The following INPP4B variants were observed in gnomAD, a reference collection of about 807,000 sequenced individuals.
INPP4B encodes the protein inositol polyphosphate-4-phosphatase type II B, also known as inositol polyphosphate 4-phosphatase type II.
Under a neutral mutation model 122.5 loss-of-function variants are expected in INPP4B, and 55 were observed. That is an observed-to-expected ratio of 0.45 (90% CI 0.36 to 0.56). INPP4B has a LOEUF of 0.56. Ranked by LOEUF, INPP4B falls within the 20% of genes least tolerant of loss-of-function variation. INPP4B has a pLI of 0.00. For missense variants in INPP4B, 1,000 were observed against 1,097.7 expected, an observed-to-expected ratio of 0.91 and a Z score of 1.26; for synonymous variants, 403 against 388.7, an observed-to-expected ratio of 1.04 and a Z score of -0.43.
At chr4:142,321,217 T>G (rs1769868548) in intron 7 of INPP4B, among the ~76,000 whole-genome samples, 1 of 152,214 alleles carries the variant, frequency 6.6e-6, no homozygotes, top group Non-Finnish European at 1.5e-5. Flanking sequence ...TCCTGATAAT[T>G]AGTGATGTTG....
At chr4:142,499,375 C>A (rs1027291474) in intron 2 of INPP4B, among the ~76,000 whole-genome samples, 12 of 152,030 alleles carry the variant, frequency 7.9e-5, no homozygotes, top group Non-Finnish European at 1.3e-4. Flanking sequence ...GTTAGCATAT[C>A]CCATTTGATT....
At chr4:142,682,386 G>GTT (rs1758751838) in intron 2 of INPP4B, among the ~76,000 whole-genome samples, 1 of 151,628 alleles carries the variant, frequency 6.6e-6, no homozygotes, top group Non-Finnish European at 1.5e-5. Flanking sequence ...AATCTAAAGT[G>GTT]TTGTATCTTT....
At chr4:142,290,676 T>C (rs902083141) in intron 9 of INPP4B, among the ~76,000 whole-genome samples, 1 of 152,180 alleles carries the variant, frequency 6.6e-6, no homozygotes, top group African/African-American at 2.4e-5. Flanking sequence ...TCCCAACTGA[T>C]GTCTACATGG....
Position 142,725,820 on chromosome 4 carries a change from A to T in INPP4B, c.-191+19T>A. 1 of 397,922 alleles carries T rather than the reference A, an allele frequency of 2.5e-6. No homozygotes were observed. The highest frequency in any genetic ancestry group is 4.4e-6 in the Non-Finnish European group (1 of 225,620). The allele number at this position is 397,922 out of a possible 1,614,324, so 24.6% of individuals were successfully genotyped here. ...GAGTTATACAGAATGAAAAAATATC[A>T]ATTCAAAATAAGCATTACCTTTGTC... is the stretch of plus-strand genomic sequence containing the variant. On this transcript the variant is annotated intron_variant, in intron 2 of 25. Coordinates refer to ENST00000262992, the MANE Select transcript of INPP4B (RefSeq NM_001101669.3).
At chr4:142,088,273 T>C (rs890206776) in intron 23 of INPP4B, among the ~76,000 whole-genome samples, 1 of 152,214 alleles carries the variant, frequency 6.6e-6, no homozygotes, top group African/African-American at 2.4e-5. Context: ...GGTTGCTTTT[T>C]AATTTATAAT....
chr4:142,493,642 A>C (rs1314058168), intron 2 of INPP4B, among the ~76,000 whole-genome samples: 1 of 152,158 alleles, frequency 6.6e-6, no homozygotes, highest in Non-Finnish European at 1.5e-5. Context: ...CTCCCCTTTG[A>C]AAGGTCTGTA....
At chr4:142,683,258 A>G (rs1758887233) in intron 2 of INPP4B, among the ~76,000 whole-genome samples, 1 of 151,958 alleles carries the variant, frequency 6.6e-6, no homozygotes. Context: ...GTTCTATAAA[A>G]GCTTATGTAA....
chr4:142,574,782 A>G (rs1580404211), intron 2 of INPP4B, among the ~76,000 whole-genome samples: 1 of 152,074 alleles, frequency 6.6e-6, no homozygotes, highest in East Asian at 1.9e-4. Context: ...ACATGCTAGC[A>G]TACCTTTGTT....
intron 11 of INPP4B, among the ~76,000 whole-genome samples, chr4:142,258,383 C>G (rs1737658597): frequency 6.6e-6 from 1 of 151,312 alleles, no homozygotes; most frequent in Non-Finnish European, 1.5e-5. Flanking sequence ...AGCTTCTGCA[C>G]AGCAAAAGAA....
intron 2 of INPP4B, among the ~76,000 whole-genome samples, chr4:142,696,552 C>T (rs1580725915): frequency 6.6e-6 from 1 of 152,318 alleles, no homozygotes; most frequent in East Asian, 1.9e-4. Context: ...ACCTTCAGTG[C>T]TTGCCCAACT....
intron 2 of INPP4B, among the ~76,000 whole-genome samples, chr4:142,469,088 CT>C (rs1818339334): frequency 6.6e-6 from 1 of 151,746 alleles, no homozygotes; most frequent in Admixed American, 6.6e-5. Flanking sequence ...TAGAATTAAG[CT>C]GACAATGGCA....
In INPP4B at chr4:142,644,388, C is replaced by G. The variant is rs187186770; in HGVS notation, c.-191+81451G>C. ...GTCAGGATCACTGTAGTCTGATTAT[C>G]TCAAGATCTTTCAAATTATGAGCCA... On this transcript the variant is annotated intron_variant, in intron 2 of 25. Coordinates refer to ENST00000262992, the MANE Select transcript of INPP4B (RefSeq NM_001101669.3). Among the ~76,000 whole-genome samples the G allele has an allele frequency of 8.6e-3, 1,305 of 151,880 alleles. 17 individuals are homozygous for G. Among genetic ancestry groups the G allele is most frequent in the Non-Finnish European group, 7.7e-3 (521 of 67,960 alleles).
chr4:142,828,080 A>G (rs568655610), intron 1 of INPP4B, among the ~76,000 whole-genome samples: 17 of 152,284 alleles, frequency 1.1e-4, no homozygotes, highest in Non-Finnish European at 2.4e-4. Flanking sequence ...CTTTCACACC[A>G]AAGTCCTAGA....
rs147012084 is a variant in INPP4B, at chr4:142,576,829, C to A, written c.-190-114103G>T. Among the ~76,000 whole-genome samples the A allele has an allele frequency of 2.7e-3, 413 of 152,068 alleles. 6 individuals carry two copies. The highest frequency in any genetic ancestry group is 0.018 in the East Asian group (93 of 5,154). On this transcript the variant is annotated intron_variant, in intron 2 of 25. Transcript: ENST00000262992. ...AGTATTTAACAAACCTTCTAGATAT[C>A]CACAGAATGTGCTATATTTTCCACG... is the stretch of plus-strand genomic sequence containing the variant.
At chr4:142,355,296 G>A (rs917129199) in intron 7 of INPP4B, among the ~76,000 whole-genome samples, 9 of 151,992 alleles carry the variant, frequency 5.9e-5, no homozygotes, top group Admixed American at 3.3e-4. Context: ...ATCTGTGGTC[G>A]TATTTAATCT....
intron 2 of INPP4B, among the ~76,000 whole-genome samples, chr4:142,620,296 A>G (rs1447440935): frequency 6.6e-6 from 1 of 152,046 alleles, no homozygotes; most frequent in Non-Finnish European, 1.5e-5. Flanking sequence ...AATGTGGTAC[A>G]TATACACCAT....
chr4:142,304,240 T>C (rs945537875), intron 9 of INPP4B, among the ~76,000 whole-genome samples: 1 of 152,144 alleles, frequency 6.6e-6, no homozygotes, highest in Admixed American at 6.6e-5. Flanking sequence ...ATAGCCATTC[T>C]TTTTAGCTGA....
intron 2 of INPP4B, among the ~76,000 whole-genome samples, chr4:142,585,079 T>C (rs1735876561): frequency 6.6e-6 from 1 of 152,076 alleles, no homozygotes. Flanking sequence ...GGGGGAGGAA[T>C]GAAGGGATGG....
chr4:142,048,163 A>G (rs1377956935), intron 25 of INPP4B, among the ~76,000 whole-genome samples: 1 of 152,100 alleles, frequency 6.6e-6, no homozygotes, highest in African/African-American at 2.4e-5. Flanking sequence ...TCTCACTGGT[A>G]ACATGAAGTA....
Sources: allele counts gnomAD v4.1 joint callset (sites outside exome capture counted in the v4.1 genomes callset), GRCh38; gene constraint gnomAD v4.1.1; transcripts MANE v1.5; gene names NCBI Gene and HGNC (gene_info 2026-07-23, HGNC 2026-07-21).